ASB15: variants seen among roughly 807,000 people sequenced by gnomAD.
ASB15 encodes ankyrin repeat and SOCS box protein 15.
ASB15 carries 54 observed loss-of-function variants against 58.0 expected under a neutral mutation model. The observed-to-expected ratio is 0.93, with a 90% CI of 0.75 to 1.17. The LOEUF (loss-of-function observed/expected upper bound fraction) is 1.17. Ranked by LOEUF, ASB15 falls within the 50% of genes most tolerant of loss-of-function variation. The probability of loss-of-function intolerance (pLI) is 0.00; values close to 1 mark genes in which losing one functional copy is unlikely to be tolerated. For missense variants in ASB15, 680 were observed against 707.4 expected (o/e 0.96, Z 0.44); for synonymous variants, 249 against 262.4 (o/e 0.95, Z 0.50).
upstream of ASB15, among the ~76,000 whole-genome samples, chr7:123,598,426 A>G (rs2116394216): frequency 6.6e-6 from 1 of 152,282 alleles, no homozygotes; most frequent in Non-Finnish European, 1.5e-5. Context: ...CTCTCCTTTT[A>G]ATCCAAGTTT....
Position 123,636,919 on chromosome 7 carries a change from ATT to A in ASB15, c.1706_1707del (p.Ile569ThrfsTer7). ...GGAGAAGCTTCCTCTACCACCAGCT[ATT>A]CAAAGATACATATTATTTAAAGAGT... Reference protein sequence around the residue: ...SVEKLPLPPAIQRYILFKEYD... With the variant: ...SVEKLPLPPAXQRYILFKEYD... On this transcript the variant is annotated frameshift_variant, in exon 12 of 12. Coordinates refer to ENST00000451215, the MANE Select transcript of ASB15 (RefSeq NM_001290258.2). LOFTEE classifies it high-confidence loss of function. 6.3e-7 allele frequency: 1 copy of A among 1,587,672 alleles called. No individual in the cohort carries two copies. The highest frequency in any genetic ancestry group is 1.7e-5 in the Admixed American group (1 of 59,976).
intron 1 of ASB15, among the ~76,000 whole-genome samples, chr7:123,571,588 C>G (rs1798909506): frequency 6.6e-6 from 1 of 151,862 alleles, no homozygotes; most frequent in Admixed American, 6.6e-5. Flanking sequence ...GTTCAATTCC[C>G]CAAAAGAGAA....
intron 1 of ASB15, among the ~76,000 whole-genome samples, chr7:123,590,033 C>T (rs1172971419): frequency 6.6e-6 from 1 of 152,116 alleles, no homozygotes; most frequent in Non-Finnish European, 1.5e-5. Flanking sequence ...GAGATGGTAT[C>T]TCATTGTGGT....
chr7:123,596,542 G>T lies in ASB15; in HGVS notation c.-442-7490G>T, dbSNP rs78952606. The T allele has an allele frequency of 2.6e-5, 4 of 152,266 alleles. 1 individual carries two copies. Among genetic ancestry groups the T allele is most frequent in the Non-Finnish European group, 1.5e-5 (1 of 68,016 alleles). 9.4% of individuals were successfully genotyped at this position (152,266 alleles called of 1,614,324 possible). On this transcript the variant is annotated intron_variant, in intron 1 of 13. Transcript: ENST00000451558. ...CGAGATGATTACTTGAGCCTGGGAGGCGGAGGTTGCTGTGAACCAAGATCG... is the reference window on the plus strand; with the variant it reads ...CGAGATGATTACTTGAGCCTGGGAGTCGGAGGTTGCTGTGAACCAAGATCG...
Position 123,629,279 on chromosome 7 carries a change from G to A in ASB15, c.1285G>A (p.Glu429Lys), listed in dbSNP as rs149605351. The part of the protein sequence containing the change: ...PSVIQYALND[E>K]VMLRLLLNNG... ...TGTCATTCAATATGCTCTAAACGACGAGGTAATGCTGAGGCTATTGCTGAA... is the reference window on the plus strand; with the variant it reads ...TGTCATTCAATATGCTCTAAACGACAAGGTAATGCTGAGGCTATTGCTGAA... The change falls in exon 10 of 12, where the codon GAG becomes AAG. Residue 429 changes from glutamate to lysine, a missense_variant. Glu to Lys is a moderately conservative substitution (Grantham distance 56). Transcript: ENST00000451215. The A allele has an allele frequency of 3.2e-5, 52 of 1,614,120 alleles. No homozygotes were observed. In the East Asian group the frequency reaches 8.7e-4, roughly 27 times the overall value.
At chr7:123,610,938 C>T (rs1800401490) in intron 3 of ASB15, among the ~76,000 whole-genome samples, 1 of 151,768 alleles carries the variant, frequency 6.6e-6, no homozygotes, top group Admixed American at 6.6e-5. Context: ...AAAAATTAGC[C>T]AGGCATGGTG....
At chr7:123,620,008 T>A (rs1279733164) in intron 7 of ASB15, 1 of 152,328 alleles carries the variant, frequency 6.6e-6, no homozygotes, top group East Asian at 1.9e-4. Context: ...CATTTCTCTC[T>A]CACACATTGC....
chr7:123,586,227 A>T (rs895706240), intron 1 of ASB15, among the ~76,000 whole-genome samples: 3 of 151,836 alleles, frequency 2.0e-5, no homozygotes, highest in African/African-American at 7.2e-5. Flanking sequence ...TCTCCACTTC[A>T]TCATCAACAC....
At chr7:123,605,496 T>C (rs1800102088) in intron 2 of ASB15, among the ~76,000 whole-genome samples, 1 of 152,152 alleles carries the variant, frequency 6.6e-6, no homozygotes, top group Non-Finnish European at 1.5e-5. Flanking sequence ...TTTTTGGATA[T>C]ACACCCAAAG....
intron 4 of ASB15, 64 bp from the exon 5 acceptor site, chr7:123,616,157 T>C: frequency 7.7e-7 from 1 of 1,292,248 alleles, no homozygotes; most frequent in South Asian, 1.3e-5. Context: ...TAAATTAAAA[T>C]GTTTGGTTCC....
At chr7:123,632,906 A>G (rs183368721) in intron 11 of ASB15, among the ~76,000 whole-genome samples, 119 of 152,348 alleles carry the variant, frequency 7.8e-4, no homozygotes, top group Admixed American at 1.8e-3. Context: ...ATAGATTATT[A>G]TTAAACTTTT....
At position 123,623,737 on chromosome 7, in the gene ASB15, G is replaced by A. The variant is rs181968805; in HGVS notation, c.452-832G>A. Among the ~76,000 whole-genome samples, 95 of 151,742 alleles carry A rather than the reference G, an allele frequency of 6.3e-4. 1 individual carries two copies. The highest frequency in any genetic ancestry group is 2.1e-3 in the African/African-American group (85 of 41,354). ...AAATTAGCCAGACTTGGTGGTATGCGCCTGTAATTCCAGCTACTCAGGAGG... is the reference window on the plus strand; with the variant it reads ...AAATTAGCCAGACTTGGTGGTATGCACCTGTAATTCCAGCTACTCAGGAGG... On this transcript the variant is annotated intron_variant, in intron 7 of 11. Coordinates refer to ENST00000451215, the MANE Select transcript of ASB15 (RefSeq NM_001290258.2).
At chr7:123,616,128 TA>T in intron 4 of ASB15, 92 bp from the exon 5 acceptor site, 1 of 1,080,156 alleles carries the variant, frequency 9.3e-7, no homozygotes, top group East Asian at 2.6e-5. Flanking sequence ...TTATTAAAAT[TA>T]AGTTTAAAAA....
intron 1 of ASB15, chr7:123,596,566 C>T (rs1232075476): frequency 3.9e-5 from 6 of 152,000 alleles, no homozygotes; most frequent in Admixed American, 1.3e-4. Context: ...GAACCAAGAT[C>T]GTACCAGTGC....
chr7:123,596,788 T>A (rs886186321), intron 1 of ASB15, among the ~76,000 whole-genome samples: 5 of 152,184 alleles, frequency 3.3e-5, no homozygotes, highest in African/African-American at 1.2e-4. Context: ...CAACTTCAAT[T>A]AGAAATTGAA....
chr7:123,576,347 T>C (rs1799065058), intron 1 of ASB15, among the ~76,000 whole-genome samples: 1 of 152,072 alleles, frequency 6.6e-6, no homozygotes, highest in South Asian at 2.1e-4. Flanking sequence ...TTTTTGTTGT[T>C]GTTGTTTTAA....
intron 1 of ASB15, among the ~76,000 whole-genome samples, chr7:123,580,723 C>T (rs1167236723): frequency 1.3e-5 from 2 of 151,990 alleles, no homozygotes; most frequent in African/African-American, 4.8e-5. Context: ...CATAACCTCA[C>T]CCAAGCAACC....
intron 10 of ASB15, 52 bp from the exon 11 acceptor site, chr7:123,629,914 A>G: frequency 8.4e-7 from 1 of 1,186,856 alleles, no homozygotes; most frequent in African/African-American, 2.5e-5. Context: ...TTGAGTGTTT[A>G]TGTATATGAT....
chr7:123,607,255 TA>T (rs1050636813), intron 2 of ASB15, among the ~76,000 whole-genome samples: 10 of 152,246 alleles, frequency 6.6e-5, no homozygotes, highest in Non-Finnish European at 1.3e-4. Flanking sequence ...TCTGGTTAAA[TA>T]AACATCATAC....
Sources: allele counts gnomAD v4.1 joint callset (sites outside exome capture counted in the v4.1 genomes callset), GRCh38; gene constraint gnomAD v4.1.1; transcripts MANE v1.5; gene names NCBI Gene and HGNC (gene_info 2026-07-23, HGNC 2026-07-21).